Variants in SLC6A14 observed in about 807,000 individuals in gnomAD.
SLC6A14 encodes solute carrier family 6 member 14, also known as sodium- and chloride-dependent neutral and basic amino acid transporter B(0+).
Under a neutral mutation model 51.4 loss-of-function variants are expected in SLC6A14, and 21 were observed. The observed-to-expected ratio is 0.41, with a 90% confidence interval of 0.29 to 0.59. SLC6A14 has a LOEUF of 0.59. SLC6A14 is among the 20% of genes least tolerant of loss of function. The pLI is 0.31. For synonymous variants in SLC6A14, 177 were observed against 160.7 expected (o/e 1.10, Z -0.77); for missense variants, 371 against 472.8 (o/e 0.78, Z 2.00).
At chrX:116,445,457 G>GGAGAGAGAGAGAGA (rs4068397) in intron 6 of SLC6A14, among the ~76,000 whole-genome samples, 57 of 67,017 alleles carry the variant, frequency 8.5e-4, no homozygotes, top group East Asian at 3.9e-3. Context: ...TCCCCTAGTC[G>GGAGAGAGAGAGAGA]GAGAGAGAGA....
At chrX:116,448,551 T>C (rs1282575174) in intron 7 of SLC6A14, among the ~76,000 whole-genome samples, 2 of 111,924 alleles carry the variant, frequency 1.8e-5, no homozygotes, top group Admixed American at 1.9e-4. Context: ...TTAATGTACT[T>C]GGAAACAGTA....
chrX:116,456,601 A>G, intron 12 of SLC6A14, among the ~76,000 whole-genome samples: 1 of 111,344 alleles, frequency 9.0e-6, no homozygotes, highest in Non-Finnish European at 1.9e-5. Flanking sequence ...AGTATTAGAT[A>G]TGAAATGATT....
intron 6 of SLC6A14, among the ~76,000 whole-genome samples, chrX:116,446,216 A>G (rs1334132940): frequency 4.6e-5 from 5 of 108,871 alleles, no homozygotes; most frequent in Non-Finnish European, 9.6e-5. Flanking sequence ...ACTTGTATGT[A>G]TGCTATCAAA....
At chrX:116,450,233 GA>G (rs781849563) in intron 7 of SLC6A14, among the ~76,000 whole-genome samples, 77 of 110,386 alleles carry the variant, frequency 7.0e-4, no homozygotes, top group African/African-American at 2.4e-3. Context: ...AATTTTGGAG[GA>G]AAAAAAATCA....
At chrX:116,437,440 C>T (rs1446714886) in intron 1 of SLC6A14, among the ~76,000 whole-genome samples, 1 of 111,455 alleles carries the variant, frequency 9.0e-6, no homozygotes, top group Non-Finnish European at 1.9e-5. Flanking sequence ...TCATTTTTCC[C>T]TCACACCAGT....
rs1358602040 is a variant in SLC6A14 at position 116,448,639 on chromosome X, C to A, written c.930+1758C>A. On this transcript the variant is annotated intron_variant, in intron 7 of 13. Transcript: ENST00000598581. ...TTATACTATCTTGCTAGAGTTGCAA[C>A]ATTTTCCCTAAGAAGTAGATTCACC... Among the ~76,000 whole-genome samples the A allele has an allele frequency of 2.0e-4, 22 of 111,963 alleles. No homozygotes were observed. In the East Asian group the frequency reaches 2.5e-3, roughly 13 times the overall value.
intron 12 of SLC6A14, among the ~76,000 whole-genome samples, chrX:116,456,555 A>G (rs1461012006): frequency 9.0e-6 from 1 of 111,238 alleles, no homozygotes; most frequent in African/African-American, 3.2e-5. Flanking sequence ...CAATGATTAC[A>G]TAAGTTTGAC....
rs182964347 is a variant in SLC6A14 at position 116,440,313 on chromosome X, A to C, written c.215-653A>C. On this transcript the variant is annotated intron_variant, in intron 2 of 13. Transcript: ENST00000598581. ...TATTTCTCAAAAGTTCAGAGTCTTC[A>C]AACAAAACCAATACATTTTGTATTA... is the stretch of plus-strand genomic sequence containing the variant. 7.1e-3 allele frequency among the ~76,000 whole-genome samples: 795 copies of C among 112,589 alleles called. 9 individuals carry two copies. Among genetic ancestry groups the C allele is most frequent in the Middle Eastern group, 0.014 (3 of 217 alleles).
Position 116,457,622 on chromosome X carries a change from G to C in SLC6A14, c.1628G>C (p.Trp543Ser). ...TPILLIAIFI[W>S]SLVQFHRPNY... ...TAACTTTGACAGGCAATATTTATCT[G>C]GTCATTGGTGCAATTTCATAGACCT... The change falls in exon 13 of 14, where the codon TGG (tryptophan) becomes TCG (serine). Residue 543 changes from tryptophan (W) to serine (S), a missense_variant. Trp to Ser is a radical substitution (Grantham distance 177). Transcript: ENST00000598581. 1 of 1,206,126 alleles carries C rather than the reference G, an allele frequency of 8.3e-7. No homozygotes were observed. Among genetic ancestry groups the C allele is most frequent in the Non-Finnish European group, 1.1e-6 (1 of 892,245 alleles).
intron 3 of SLC6A14, among the ~76,000 whole-genome samples, chrX:116,441,320 A>G (rs1927593662): frequency 8.9e-6 from 1 of 112,383 alleles, no homozygotes; most frequent in East Asian, 2.8e-4. Context: ...TGGGCTGCAG[A>G]AATGGGAAGG....
At chrX:116,438,054 G>C in intron 2 of SLC6A14, 99 bp downstream of exon 2, 7 of 635,561 alleles carry the variant, frequency 1.1e-5, no homozygotes, top group Non-Finnish European at 1.4e-5. Flanking sequence ...GTTGAAGGAA[G>C]GCATATGACA....
At chrX:116,458,506 A>C (rs1400128050) in intron 13 of SLC6A14, among the ~76,000 whole-genome samples, 1 of 111,446 alleles carries the variant, frequency 9.0e-6, no homozygotes, top group African/African-American at 3.3e-5. Flanking sequence ...GAAGGTACAG[A>C]GTAGTCACTC....
Position 116,446,860 on chromosome X carries a change from T to A in SLC6A14, c.909T>A (p.Phe303Leu). Residue 303 changes from phenylalanine to leucine, a missense_variant, in exon 7 of 14, where the codon TTT (phenylalanine) becomes TTA (leucine). Transcript: ENST00000598581. ...ACTATATTGGAGCCCAGTCAAATTT[T>A]ACAAAACTTAAGGAAGCTGAGGTGA... The part of the protein sequence containing the change: ...ISYYIGAQSN[F>L]TKLKEAEVWK... 1 of 1,209,313 alleles carries A rather than the reference T, an allele frequency of 8.3e-7. No homozygotes were observed. Among genetic ancestry groups the A allele is most frequent in the Non-Finnish European group, 1.1e-6 (1 of 893,768 alleles).
rs1556694055 is a variant in SLC6A14 at position 116,446,728 on chromosome X, C to A, written c.790-13C>A. The A allele has an allele frequency of 2.5e-6, 3 of 1,188,711 alleles. No individual in the cohort carries two copies. Among genetic ancestry groups the A allele is most frequent in the South Asian group, 3.6e-5 (2 of 55,623 alleles). ...AAAATAATTTACTAATTTTTGGTTA[C>A]TTTTCTTGGTAGGTGGTATATTTTA... On this transcript the variant is annotated splice_polypyrimidine_tract_variant and intron_variant, in intron 6 of 13. Transcript: ENST00000598581.
chrX:116,451,586 G>A lies in SLC6A14; in HGVS notation c.1075G>A (p.Val359Met), dbSNP rs1180881616. ...TTGTTTGACAAACTGTCTCACTAGC[G>A]TGTTTGCTGGATTTGCTATTTTTTC... is the stretch of plus-strand genomic sequence containing the variant. Reference protein sequence around the residue: ...VVCLTNCLTSVFAGFAIFSIL... With the variant: ...VVCLTNCLTSMFAGFAIFSIL... The change falls in exon 8 of 14, where the codon GTG becomes ATG. Residue 359 changes from valine to methionine, a missense_variant. By Grantham distance (21) the Val-to-Met change is conservative. Around this residue, in one of 2 missense-constraint regions of SLC6A14, gnomAD observed 277 missense variants for 391.8 expected, o/e 0.71. Transcript: ENST00000598581. The A allele has an allele frequency of 6.6e-6, 8 of 1,207,875 alleles. No individual in the cohort carries two copies. Among genetic ancestry groups the A allele is most frequent in the Middle Eastern group, 2.3e-4 (1 of 4,362 alleles).
At chrX:116,444,526 T>G (rs1232847786) in intron 5 of SLC6A14, among the ~76,000 whole-genome samples, 1 of 111,967 alleles carries the variant, frequency 8.9e-6, no homozygotes, top group Admixed American at 9.5e-5. Flanking sequence ...GAGGAAATAT[T>G]TAATATAATT....
chrX:116,460,170 T>G lies in SLC6A14; in HGVS notation c.*1215T>G, dbSNP rs1556695065. On this transcript the variant is annotated 3_prime_UTR_variant, in exon 14 of 14. Coordinates refer to ENST00000598581, the MANE Select transcript of SLC6A14 (RefSeq NM_007231.5). Reference sequence around the variant, plus strand: ...CAGGGAGCATATGAAACCAAAATTATATGGAACATTTTCTGTGTGTACATG... The same window carrying G: ...CAGGGAGCATATGAAACCAAAATTAGATGGAACATTTTCTGTGTGTACATG... 1 of 111,609 alleles carries G rather than the reference T, an allele frequency of 9.0e-6. No individual in the cohort carries two copies. Among genetic ancestry groups the G allele is most frequent in the Non-Finnish European group, 1.9e-5 (1 of 53,107 alleles). 9.2% of individuals were successfully genotyped at this position (111,609 alleles called of 1,213,427 possible). A position where few individuals can be genotyped will look rare whatever the true frequency, so the allele number is the denominator to read the frequency against.
At chrX:116,455,117 ATAGTT>A in intron 11 of SLC6A14, 41 bp downstream of exon 11, 2 of 979,908 alleles carry the variant, frequency 2.0e-6, no homozygotes, top group African/African-American at 1.9e-5. Flanking sequence ...TTTTATTAAA[ATAGTT>A]TAGTTTGATT....
Position 116,457,675 on chromosome X carries a change from T to A in SLC6A14, c.1681T>A (p.Trp561Arg), listed in dbSNP as rs1231797282. ...TTATGGCGCAATTCCATACCCTGAC[T>A]GGGGAGTTGCTTTAGGCTGGTGTAT... is the stretch of plus-strand genomic sequence containing the variant. ...PNYGAIPYPDWGVALGWCMIV... is the reference protein window; with the variant it reads ...PNYGAIPYPDRGVALGWCMIV... Residue 561 changes from tryptophan to arginine, a missense_variant, in exon 13 of 14, where the codon TGG becomes AGG. Around this residue, in one of 2 missense-constraint regions of SLC6A14, gnomAD observed 94 missense variants for 81.0 expected, o/e 1.16. Transcript: ENST00000598581. The A allele has an allele frequency of 2.5e-6, 3 of 1,203,709 alleles. No individual in the cohort carries two copies. Among genetic ancestry groups the A allele is most frequent in the Non-Finnish European group, 3.4e-6 (3 of 889,682 alleles).
Sources: gnomAD v4.1 joint callset for allele counts (sites outside exome capture counted in the v4.1 genomes callset) on GRCh38, gnomAD v4.1.1 for gene constraint, gnomAD v4.1.1 regional missense constraint, MANE v1.5 for transcripts, NCBI Gene and HGNC (gene_info 2026-07-23, HGNC 2026-07-21) for gene names.